Variants in PCMTD1 observed in about 807,000 individuals in gnomAD.
The protein encoded by PCMTD1 is protein-L-isoaspartate (D-aspartate) O-methyltransferase domain containing 1.
Under a neutral mutation model 37.6 loss-of-function variants are expected in PCMTD1, and 12 were observed. The observed-to-expected ratio is 0.32, with a 90% CI of 0.20 to 0.52. The LOEUF is 0.52. PCMTD1 is among the 20% of genes least tolerant of loss of function. The pLI, the probability that PCMTD1 is intolerant of heterozygous loss-of-function variation, is 0.97. For synonymous variants in PCMTD1, 117 were observed against 135.8 expected (o/e 0.86, Z 0.96); for missense variants, 235 against 421.3 (o/e 0.56, Z 3.87).
chr8:51,858,997 A>C (rs957809644), intron 2 of PCMTD1, among the ~76,000 whole-genome samples: 21 of 152,188 alleles, frequency 1.4e-4, no homozygotes, highest in Non-Finnish European at 2.8e-4. Flanking sequence ...CCTGGGACTA[A>C]GGTAATGAGT....
chr8:51,864,529 C>T (rs1433566102), intron 1 of PCMTD1, among the ~76,000 whole-genome samples: 1 of 152,106 alleles, frequency 6.6e-6, no homozygotes, highest in Non-Finnish European at 1.5e-5. Context: ...CTTTTCTACT[C>T]GTAATGGAAT....
chr8:51,883,136 CA>C (rs1410152634), intron 1 of PCMTD1, among the ~76,000 whole-genome samples: 1 of 147,812 alleles, frequency 6.8e-6, no homozygotes, highest in South Asian at 2.1e-4. Context: ...GATTCCGTCT[CA>C]AAAAAAAAGA....
intron 5 of PCMTD1, chr8:51,827,015 A>G (rs1394184407): frequency 9.4e-6 from 9 of 962,372 alleles, no homozygotes; most frequent in Non-Finnish European, 9.9e-6. Flanking sequence ...TATTTTTGGG[A>G]TTTTTGGAGT....
intron 1 of PCMTD1, among the ~76,000 whole-genome samples, chr8:51,864,621 T>C (rs545619119): frequency 5.9e-5 from 9 of 152,150 alleles, no homozygotes; most frequent in East Asian, 1.9e-4. Context: ...GAAAAACCAA[T>C]TGGTCAAAGA....
chr8:51,890,993 G>C (rs2038928098), intron 1 of PCMTD1, among the ~76,000 whole-genome samples: 1 of 152,116 alleles, frequency 6.6e-6, no homozygotes, highest in African/African-American at 2.4e-5. Flanking sequence ...ACGAGCCTCA[G>C]GTGATAACAT....
At position 51,833,575 on chromosome 8, in the gene PCMTD1, GT is replaced by G; in HGVS notation, c.524del (p.Asn175ThrfsTer3). On this transcript the variant is annotated frameshift_variant, in exon 4 of 6. Transcript: ENST00000522514. LOFTEE classifies it high-confidence loss of function. ...CGAGVQKDHE[N>X]YMKILLKVGG... is the part of the protein sequence containing the mutation. ...CAACTTTTAGTAATATTTTCATGTA[GT>G]TTTCATGGTCTTTCTGCACTCCAGC... is the stretch of plus-strand genomic sequence containing the variant. 6.2e-7 allele frequency: 1 copy of G among 1,612,612 alleles called. No homozygotes were observed. The highest frequency in any genetic ancestry group is 8.5e-7 in the Non-Finnish European group (1 of 1,179,396).
chr8:51,831,473 T>A lies in PCMTD1; in HGVS notation c.677A>T (p.Asp226Val), dbSNP rs1404898056. ...TCCCACAGAATCTGGTTTGCCATTA[T>A]CATTCTTACTTGGTTGCACAAGTGG... ...FAPLVQPSKN[D>V]NGKPDSVGLP... The change falls in exon 5 of 6, where the codon GAT becomes GTT. Residue 226 changes from aspartate to valine, a missense_variant. Physicochemically the swap from Asp to Val is radical, Grantham distance 152. Transcript: ENST00000522514. The A allele has an allele frequency of 2.5e-6, 4 of 1,613,744 alleles. No homozygotes were observed. The South Asian group carries it at 4.4e-5, about 18-fold the overall frequency.
chr8:51,852,254 A>G (rs976693374), intron 2 of PCMTD1, among the ~76,000 whole-genome samples: 2 of 152,244 alleles, frequency 1.3e-5, no homozygotes, highest in African/African-American at 4.8e-5. Flanking sequence ...AAAGAATGAT[A>G]AAGTACACAA....
rs2037788738 is a variant in PCMTD1, at chr8:51,818,269, G to GCAAT, written c.*2078_*2081dup. ...GATACATTTCAATGACAAGAAATAT[G>GCAAT]CAATGATCATGAAAATCTACTGTAC... On this transcript the variant is annotated 3_prime_UTR_variant, in exon 6 of 6. Coordinates refer to ENST00000522514, the MANE Select transcript of PCMTD1 (RefSeq NM_052937.4). The GCAAT allele has an allele frequency of 3.6e-6, 1 of 277,916 alleles. No homozygotes were observed. The highest frequency in any genetic ancestry group is 3.5e-5 in the South Asian group (1 of 28,780). 17.2% of individuals were successfully genotyped at this position (277,916 alleles called of 1,614,324 possible). A position where few individuals can be genotyped will look rare whatever the true frequency, so the allele number is the denominator to read the frequency against.
At chr8:51,836,283 TTAGATCATCTGTAATGCGCA>T (rs1242773908) in intron 3 of PCMTD1, among the ~76,000 whole-genome samples, 1 of 152,214 alleles carries the variant, frequency 6.6e-6, no homozygotes, top group East Asian at 1.9e-4. Flanking sequence ...TAATTCAAGT[TTAGATCATCTGTAATGCGCA>T]TGGGTTTTCA....
At chr8:51,834,916 C>T (rs1233305347) in intron 3 of PCMTD1, among the ~76,000 whole-genome samples, 2 of 152,232 alleles carry the variant, frequency 1.3e-5, no homozygotes, top group South Asian at 4.1e-4. Context: ...CATGCCCCCA[C>T]GCTAAGGCAG....
At chr8:51,841,080 T>G (rs964282092) in intron 3 of PCMTD1, among the ~76,000 whole-genome samples, 4 of 152,172 alleles carry the variant, frequency 2.6e-5, no homozygotes, top group African/African-American at 9.6e-5. Flanking sequence ...AATCAACGTT[T>G]ACATCATAAG....
Position 51,819,925 on chromosome 8 carries a change from C to T in PCMTD1, c.*426G>A, listed in dbSNP as rs200499859. 6.5e-6 allele frequency: 1 copy of T among 153,406 alleles called. No individual in the cohort carries two copies. The highest frequency in any genetic ancestry group is 1.5e-5 in the Non-Finnish European group (1 of 68,674). 9.5% of individuals were successfully genotyped at this position (153,406 alleles called of 1,614,324 possible). A position where few individuals can be genotyped will look rare whatever the true frequency, so the allele number is the denominator to read the frequency against. ...GGTAAATAGTCTACAAAGCATTTGA[C>T]TTCCTTATTAGATAAATGAAGTTTT... On this transcript the variant is annotated 3_prime_UTR_variant, in exon 6 of 6. Coordinates refer to ENST00000522514, the MANE Select transcript of PCMTD1 (RefSeq NM_052937.4).
intron 1 of PCMTD1, among the ~76,000 whole-genome samples, chr8:51,887,044 T>C (rs1202250640): frequency 6.6e-6 from 1 of 152,130 alleles, no homozygotes; most frequent in Non-Finnish European, 1.5e-5. Flanking sequence ...CCTTTTCTGC[T>C]GTCTCTCTGG....
chr8:51,878,903 C>A (rs912539519), intron 1 of PCMTD1, among the ~76,000 whole-genome samples: 2 of 152,234 alleles, frequency 1.3e-5, no homozygotes, highest in East Asian at 1.9e-4. Context: ...GGTGTGAGGA[C>A]TGCTTGAGCC....
chr8:51,861,041 A>G lies in PCMTD1; in HGVS notation c.111T>C (p.Asp37=), dbSNP rs769385759. The change falls in exon 2 of 6, where the codon GAT becomes GAC. Residue 37 remains aspartate (D), a synonymous_variant. Transcript: ENST00000522514. ...AGCCTTCCAAATAGTAATCTCCACG[A>G]TCAATCGCTCTGAAGGCTTGCTCCA... ...ERVEQAFRAI[D]RGDYYLEGYR... 6.2e-7 allele frequency: 1 copy of G among 1,614,100 alleles called. No homozygotes were observed. Among genetic ancestry groups the G allele is most frequent in the South Asian group, 1.1e-5 (1 of 91,078 alleles).
intron 3 of PCMTD1, among the ~76,000 whole-genome samples, chr8:51,841,640 G>A (rs2038148221): frequency 6.7e-6 from 1 of 150,216 alleles, no homozygotes; most frequent in Non-Finnish European, 1.5e-5. Flanking sequence ...TTATACTTCA[G>A]GCTCCTTTAA....
chr8:51,845,616 T>C (rs779235686), intron 3 of PCMTD1, 45 bp downstream of exon 3: 3 of 1,318,726 alleles, frequency 2.3e-6, no homozygotes, highest in East Asian at 4.6e-5. Context: ...GTTGCATGTA[T>C]CTATTAAGTG....
intron 1 of PCMTD1, among the ~76,000 whole-genome samples, chr8:51,863,966 A>G (rs1355609122): frequency 6.6e-6 from 1 of 151,884 alleles, no homozygotes; most frequent in African/African-American, 2.4e-5. Flanking sequence ...GACTGCATGG[A>G]TTTTTAAAAA....
Sources: gnomAD v4.1 joint callset for allele counts (sites outside exome capture counted in the v4.1 genomes callset) on GRCh38, gnomAD v4.1.1 for gene constraint, MANE v1.5 for transcripts, NCBI Gene and HGNC (gene_info 2026-07-23, HGNC 2026-07-21) for gene names.